The following UNC5D variants were observed in gnomAD, a reference collection of about 807,000 sequenced individuals.
UNC5D encodes the protein netrin receptor UNC5D.
UNC5D carries 39 observed loss-of-function variants against 105.4 expected under a neutral mutation model. The ratio of observed to expected loss-of-function variants is 0.37; its 90% CI spans 0.29 to 0.48. The LOEUF is 0.48. Among genes scored for constraint, UNC5D ranks in the 20% least tolerant of loss-of-function variants. The probability of loss-of-function intolerance (pLI) is 0.98; values close to 1 mark genes in which losing one functional copy is unlikely to be tolerated. For synonymous variants in UNC5D, 452 were observed against 450.4 expected (o/e 1.00, Z -0.04); for missense variants, 991 against 1,202.4 (o/e 0.82, Z 2.60).
At chr8:35,394,090 G>A (rs759270362) in intron 1 of UNC5D, among the ~76,000 whole-genome samples, 2 of 151,122 alleles carry the variant, frequency 1.3e-5, no homozygotes, top group Non-Finnish European at 1.5e-5. Flanking sequence ...TGTATTTCAG[G>A]CAAACCACTT....
intron 4 of UNC5D, among the ~76,000 whole-genome samples, chr8:35,605,774 G>GA (rs1820251476): frequency 6.6e-6 from 1 of 152,088 alleles, no homozygotes; most frequent in African/African-American, 2.4e-5. Context: ...CTTCAAGTTT[G>GA]ATTAACTTTT....
intron 3 of UNC5D, among the ~76,000 whole-genome samples, chr8:35,570,010 T>G (rs1817612690): frequency 6.6e-6 from 1 of 152,210 alleles, no homozygotes; most frequent in African/African-American, 2.4e-5. Flanking sequence ...TCTTGCTCAC[T>G]TAATTCTTCA....
At chr8:35,323,715 G>C (rs987089651) in intron 1 of UNC5D, among the ~76,000 whole-genome samples, 1 of 152,126 alleles carries the variant, frequency 6.6e-6, no homozygotes. Flanking sequence ...ATAAAATAAA[G>C]CACAGAAAGT....
At chr8:35,739,131 T>C (rs777104886) in intron 11 of UNC5D, among the ~76,000 whole-genome samples, 4 of 152,178 alleles carry the variant, frequency 2.6e-5, no homozygotes, top group Non-Finnish European at 4.4e-5. Flanking sequence ...ACCAGTGCCA[T>C]GCAGTGTAAC....
At chr8:35,427,620 A>T (rs1239135459) in intron 1 of UNC5D, among the ~76,000 whole-genome samples, 3 of 152,186 alleles carry the variant, frequency 2.0e-5, no homozygotes, top group Admixed American at 2.0e-4. Context: ...AAGTAGGAAG[A>T]AGTTGTTTAT....
At chr8:35,344,801 G>A (rs80232252) in intron 1 of UNC5D, among the ~76,000 whole-genome samples, 2,329 of 152,048 alleles carry the variant, frequency 0.015, 68 homozygotes, top group African/African-American at 0.054. Flanking sequence ...GGGATGAGGT[G>A]AACATCATTT....
chr8:35,751,730 C>G (rs28699490), intron 13 of UNC5D, among the ~76,000 whole-genome samples: 8,806 of 152,190 alleles, frequency 0.058, 689 homozygotes, highest in African/African-American at 0.17. Context: ...GGTTGGGGTA[C>G]TTGGCATTCA....
chr8:35,555,865 T>TA lies in UNC5D; in HGVS notation c.322+6362dup, dbSNP rs530760922. Among the ~76,000 whole-genome samples the TA allele has an allele frequency of 2.1e-3, 300 of 140,912 alleles. 10 individuals carry two copies. The highest frequency in any genetic ancestry group is 7.3e-3 in the African/African-American group (281 of 38,498). The allele number at this position is 140,912 out of a possible 152,430, so 92.4% of individuals were successfully genotyped here. On this transcript the variant is annotated intron_variant, in intron 2 of 16. Transcript: ENST00000404895. ...AAAAAAGAATAATTATAAAGATCTA[T>TA]AAAAAAACAGCACACACACACACAC...
chr8:35,427,178 G>T (rs2128971528), intron 1 of UNC5D, among the ~76,000 whole-genome samples: 1 of 152,250 alleles, frequency 6.6e-6, no homozygotes, highest in East Asian at 1.9e-4. Flanking sequence ...ATTCTGTTAG[G>T]TCTGACAGGT....
intron 4 of UNC5D, among the ~76,000 whole-genome samples, chr8:35,627,164 A>C (rs1821741049): frequency 6.6e-6 from 1 of 152,214 alleles, no homozygotes; most frequent in Admixed American, 6.5e-5. Context: ...ACAAGTAGGA[A>C]AAAGCTTTGC....
At chr8:35,586,559 C>A (rs1026832357) in intron 3 of UNC5D, among the ~76,000 whole-genome samples, 2 of 151,918 alleles carry the variant, frequency 1.3e-5, no homozygotes, top group Non-Finnish European at 2.9e-5. Context: ...GTGAACCAGC[C>A]CTTTTATTAC....
chr8:35,723,197 C>T (rs73584868), intron 9 of UNC5D, among the ~76,000 whole-genome samples: 4,337 of 152,136 alleles, frequency 0.029, 221 homozygotes, highest in African/African-American at 0.098. Flanking sequence ...GCCTACAGCG[C>T]GGAACCAGAA....
intron 1 of UNC5D, among the ~76,000 whole-genome samples, chr8:35,424,078 A>T (rs1264795115): frequency 6.6e-6 from 1 of 152,102 alleles, no homozygotes; most frequent in Admixed American, 6.6e-5. Context: ...GGGATTATAT[A>T]CATGAGCCAC....
In UNC5D at chr8:35,346,713, A is replaced by G. The variant is rs536744467; in HGVS notation, c.103+110826A>G. Among the ~76,000 whole-genome samples, 3 of 152,130 alleles carry G rather than the reference A, an allele frequency of 2.0e-5. No individual in the cohort carries two copies. In the East Asian group the frequency reaches 5.8e-4, roughly 29 times the overall value. ...ATTGGTACCATGGCCTTGAGTATGC[A>G]ATGGAATGAGTTGCTTATTTTGACT... On this transcript the variant is annotated intron_variant, in intron 1 of 16. Coordinates refer to ENST00000404895, the MANE Select transcript of UNC5D (RefSeq NM_080872.4).
chr8:35,646,060 A>T (rs1823027278), intron 4 of UNC5D, among the ~76,000 whole-genome samples: 1 of 152,154 alleles, frequency 6.6e-6, no homozygotes, highest in African/African-American at 2.4e-5. Context: ...CAACCAAAGA[A>T]ATGGATTAGA....
At chr8:35,641,650 T>A (rs887994221) in intron 4 of UNC5D, among the ~76,000 whole-genome samples, 1 of 152,130 alleles carries the variant, frequency 6.6e-6, no homozygotes. Context: ...TTCTGTATCA[T>A]CTCATGGATA....
Position 35,726,192 on chromosome 8 carries a change from G to A in UNC5D, c.1344G>A (p.Leu448=), listed in dbSNP as rs139309115. 6.2e-7 allele frequency: 1 copy of A among 1,613,670 alleles called. No individual in the cohort carries two copies. The highest frequency in any genetic ancestry group is 8.5e-7 in the Non-Finnish European group (1 of 1,179,690). The change falls in exon 10 of 17, where the codon CTG becomes CTA. Residue 448 remains leucine (L), a synonymous_variant. Transcript: ENST00000404895. ...LLLNSAMQPD[L]TVSRTYSGPI... Reference sequence around the variant, plus strand: ...TGAATTCTGCCATGCAGCCAGATCTGACAGTGAGCCGGACATACAGCGGAC... The same window carrying A: ...TGAATTCTGCCATGCAGCCAGATCTAACAGTGAGCCGGACATACAGCGGAC...
chr8:35,557,320 T>G (rs1273417004), intron 2 of UNC5D, among the ~76,000 whole-genome samples: 1 of 152,178 alleles, frequency 6.6e-6, no homozygotes, highest in Non-Finnish European at 1.5e-5. Flanking sequence ...GCGGTGCTTC[T>G]GAGGAATACG....
At chr8:35,548,493 A>G (rs58918676) in intron 1 of UNC5D, among the ~76,000 whole-genome samples, 4,964 of 152,226 alleles carry the variant, frequency 0.033, 198 homozygotes, top group African/African-American at 0.099. Flanking sequence ...TGCTCACTGT[A>G]TGAAGAAACA....
Sources: gnomAD v4.1 joint callset for allele counts (sites outside exome capture counted in the v4.1 genomes callset) on GRCh38, gnomAD v4.1.1 for gene constraint, MANE v1.5 for transcripts, NCBI Gene and HGNC (gene_info 2026-07-23, HGNC 2026-07-21) for gene names.